LRRC4C: variants seen among roughly 807,000 people sequenced by gnomAD.
The protein encoded by LRRC4C is leucine rich repeat containing 4C, also known as leucine-rich repeat-containing protein 4C.
LRRC4C carries 5 observed loss-of-function variants against 33.6 expected under a neutral mutation model. The ratio of observed to expected loss-of-function variants is 0.15; its 90% CI spans 0.08 to 0.31. LRRC4C has a LOEUF of 0.31. LRRC4C is among the 10% of genes least tolerant of loss of function. The pLI is 1.00. For synonymous variants in LRRC4C, 329 were observed against 302.0 expected (o/e 1.09, Z -0.93); for missense variants, 560 against 796.7 (o/e 0.70, Z 3.58).
chr11:40,948,665 A>G lies in LRRC4C; in HGVS notation c.-495-14942T>C, dbSNP rs563394604. Among the ~76,000 whole-genome samples the G allele has an allele frequency of 1.5e-4, 23 of 148,842 alleles. No homozygotes were observed. In the South Asian group the frequency reaches 3.1e-3, roughly 20 times the overall value. ...AGTTTACTGAGAATGAGGATTTCCAATTTCATCCATGTCCCTACAAAGGAC... is the reference window on the plus strand; with the variant it reads ...AGTTTACTGAGAATGAGGATTTCCAGTTTCATCCATGTCCCTACAAAGGAC... On this transcript the variant is annotated intron_variant, in intron 1 of 6. Transcript: ENST00000528697.
chr11:41,166,129 C>CAA (rs1162700447), intron 1 of LRRC4C, among the ~76,000 whole-genome samples: 1 of 142,486 alleles, frequency 7.0e-6, no homozygotes, highest in African/African-American at 2.6e-5. Context: ...GTATTTATGT[C>CAA]AAAAAAAAAA....
Position 40,279,339 on chromosome 11 carries a change from C to T in LRRC4C, c.-175-37741G>A, listed in dbSNP as rs185520878. Among the ~76,000 whole-genome samples, 6 of 152,270 alleles carry T rather than the reference C, an allele frequency of 3.9e-5. No individual in the cohort carries two copies. In the East Asian group the frequency reaches 7.7e-4, roughly 20 times the overall value. On this transcript the variant is annotated intron_variant, in intron 4 of 6. Coordinates refer to ENST00000528697, the MANE Select transcript of LRRC4C (RefSeq NM_001258419.2). Reference sequence around the variant, plus strand: ...TGCAACAAATCTGTTTCATTGATCTCATCAATTCTACTTTCCAAACTACAG... The same window carrying T: ...TGCAACAAATCTGTTTCATTGATCTTATCAATTCTACTTTCCAAACTACAG...
Position 40,532,321 on chromosome 11 carries a change from G to A in LRRC4C, c.-270+115821C>T, listed in dbSNP as rs544903901. Among the ~76,000 whole-genome samples the A allele has an allele frequency of 4.6e-5, 7 of 151,928 alleles. No homozygotes were observed. In the South Asian group the frequency reaches 1.5e-3, roughly 32 times the overall value. On this transcript the variant is annotated intron_variant, in intron 3 of 6. Coordinates refer to ENST00000528697, the MANE Select transcript of LRRC4C (RefSeq NM_001258419.2). ...AGTAAAATGGATCACATGGAACAGC[G>A]GTGATTGTGGTACACTCTGGCTAAA...
intron 1 of LRRC4C, among the ~76,000 whole-genome samples, chr11:40,950,858 G>T (rs1264631969): frequency 1.3e-5 from 2 of 151,124 alleles, no homozygotes; most frequent in Non-Finnish European, 1.5e-5. Flanking sequence ...TTTGATCCTG[G>T]TATATGTAAT....
intron 3 of LRRC4C, among the ~76,000 whole-genome samples, chr11:40,538,532 T>C (rs1037533119): frequency 6.6e-6 from 1 of 152,204 alleles, no homozygotes; most frequent in Non-Finnish European, 1.5e-5. Flanking sequence ...CAGTCTATCA[T>C]TGATGGACAT....
At chr11:40,586,630 C>A (rs1958762013) in intron 3 of LRRC4C, among the ~76,000 whole-genome samples, 1 of 149,126 alleles carries the variant, frequency 6.7e-6, no homozygotes, top group African/African-American at 2.5e-5. Context: ...AGTCTTTAAT[C>A]CATCTTGAAT....
chr11:41,145,406 A>G (rs1355813772), intron 1 of LRRC4C, among the ~76,000 whole-genome samples: 1 of 152,174 alleles, frequency 6.6e-6, no homozygotes, highest in Non-Finnish European at 1.5e-5. Context: ...ATTACATTCT[A>G]TTTCAAGAAT....
chr11:41,440,550 T>A (rs55841395), intron 1 of LRRC4C, among the ~76,000 whole-genome samples: 2,930 of 152,108 alleles, frequency 0.019, 90 homozygotes, highest in African/African-American at 0.068. Flanking sequence ...TATGTTTTTT[T>A]TAAAAAAAAG....
chr11:41,171,383 A>G (rs1164189355), intron 1 of LRRC4C, among the ~76,000 whole-genome samples: 1 of 152,076 alleles, frequency 6.6e-6, no homozygotes, highest in Non-Finnish European at 1.5e-5. Context: ...TAGACTTAAG[A>G]AAATGTGGCA....
At chr11:40,705,944 C>G (rs1339102114) in intron 2 of LRRC4C, among the ~76,000 whole-genome samples, 1 of 152,166 alleles carries the variant, frequency 6.6e-6, no homozygotes, top group Non-Finnish European at 1.5e-5. Flanking sequence ...ATGTGCATTT[C>G]TCTGATGACC....
intron 2 of LRRC4C, among the ~76,000 whole-genome samples, chr11:40,892,414 C>T (rs1194132697): frequency 1.3e-5 from 2 of 152,050 alleles, no homozygotes; most frequent in Non-Finnish European, 2.9e-5. Flanking sequence ...CACCATATGA[C>T]CCAGCAACCC....
intron 3 of LRRC4C, among the ~76,000 whole-genome samples, chr11:40,337,661 G>T (rs1358840592): frequency 2.0e-5 from 3 of 152,176 alleles, no homozygotes; most frequent in African/African-American, 7.2e-5. Flanking sequence ...AAGCGCTTGG[G>T]TTTGACACCA....
At chr11:40,422,048 C>G (rs1590684358) in intron 3 of LRRC4C, among the ~76,000 whole-genome samples, 1 of 152,334 alleles carries the variant, frequency 6.6e-6, no homozygotes, top group East Asian at 1.9e-4. Flanking sequence ...TAGGTAAATT[C>G]TGCCCAGTTA....
At chr11:40,467,920 T>A (rs1054824837) in intron 3 of LRRC4C, among the ~76,000 whole-genome samples, 3 of 152,194 alleles carry the variant, frequency 2.0e-5, no homozygotes, top group Non-Finnish European at 4.4e-5. Flanking sequence ...TATTGACTGA[T>A]GGAGCTGTTG....
rs1555145051 is a variant in LRRC4C, at chr11:41,316,270, A to AAC, written c.-496+143160_-496+143161insGT. 1.5e-3 allele frequency among the ~76,000 whole-genome samples: 222 copies of AAC among 150,244 alleles called. 7 individuals carry two copies. Among genetic ancestry groups the AAC allele is most frequent in the Middle Eastern group, 0.01 (3 of 286 alleles). On this transcript the variant is annotated intron_variant, in intron 1 of 6. Coordinates refer to ENST00000528697, the MANE Select transcript of LRRC4C (RefSeq NM_001258419.2). ...TAAAAATCTCTGGATGGCAAAAAAA[A>AAC]AAAAAAAAACAAAAAAAAACAAACA...
At chr11:41,049,640 G>C (rs1439452385) in intron 1 of LRRC4C, among the ~76,000 whole-genome samples, 1 of 152,150 alleles carries the variant, frequency 6.6e-6, no homozygotes, top group Non-Finnish European at 1.5e-5. Flanking sequence ...TTAAGACAAA[G>C]AGAAGCGTAC....
chr11:41,048,276 T>TTG (rs1857938345), intron 1 of LRRC4C, among the ~76,000 whole-genome samples: 1 of 147,368 alleles, frequency 6.8e-6, no homozygotes. Flanking sequence ...TTTTTTTTTT[T>TTG]TTTTTGGAGA....
chr11:40,702,062 T>TGATACCA (rs1434316882), intron 2 of LRRC4C, among the ~76,000 whole-genome samples: 1 of 152,036 alleles, frequency 6.6e-6, no homozygotes. Context: ...AATTATTAAG[T>TGATACCA]GATACCATAT....
intron 1 of LRRC4C, among the ~76,000 whole-genome samples, chr11:41,352,470 A>C (rs932866364): frequency 3.3e-5 from 5 of 152,132 alleles, no homozygotes; most frequent in Non-Finnish European, 7.4e-5. Context: ...CAATGGAAAG[A>C]CTAACAAAGA....
Sources: allele counts gnomAD v4.1 joint callset (sites outside exome capture counted in the v4.1 genomes callset), GRCh38; gene constraint gnomAD v4.1.1; transcripts MANE v1.5; gene names NCBI Gene and HGNC (gene_info 2026-07-23, HGNC 2026-07-21).